The following ZNF16 variants were observed in gnomAD, a reference collection of about 807,000 sequenced individuals.
ZNF16 encodes the protein zinc finger protein 16.
In ZNF16, 7 loss-of-function variants were observed where a neutral mutation model predicts 9.0. That is an observed-to-expected ratio of 0.78 (90% CI 0.44 to 1.47). The LOEUF (loss-of-function observed/expected upper bound fraction) is 1.47. Ranked by LOEUF, ZNF16 falls within the 40% of genes most tolerant of loss-of-function variation. The pLI, the probability that ZNF16 is intolerant of heterozygous loss-of-function variation, is 0.01. For synonymous variants in ZNF16, 312 were observed against 301.5 expected, an observed-to-expected ratio of 1.03 and a Z score of -0.36; for missense variants, 830 against 854.2, an observed-to-expected ratio of 0.97 and a Z score of 0.35.
Position 144,931,193 on chromosome 8 carries a change from G to A in ZNF16, c.1594C>T (p.Leu532Phe), listed in dbSNP as rs529387156. The A allele has an allele frequency of 7.4e-6, 12 of 1,614,040 alleles. No homozygotes were observed. The South Asian group carries it at 1.2e-4, about 16-fold the overall frequency. Residue 532 changes from leucine (L) to phenylalanine (F), a missense_variant, in exon 3 of 3, where the codon CTC becomes TTC. Leu to Phe is a conservative substitution (Grantham distance 22). Transcript: ENST00000394909. ...GTGTGGACTCGCTGGTGAAGGATGA[G>A]GTTGGAGCTGCGACCAAAGGTCTTC... ...CGKTFGRSSN[L>F]ILHQRVHTGE...
Position 144,933,010 on chromosome 8 carries a change from C to T in ZNF16, c.197-420G>A, listed in dbSNP as rs903715550. Among the ~76,000 whole-genome samples, 14 of 152,178 alleles carry T rather than the reference C, an allele frequency of 9.2e-5. No individual in the cohort carries two copies. The highest frequency in any genetic ancestry group is 3.3e-4 in the Admixed American group (5 of 15,278). On this transcript the variant is annotated intron_variant, in intron 2 of 2. Coordinates refer to ENST00000394909, the MANE Select transcript of ZNF16 (RefSeq NM_006958.3). The surrounding 1 kb of genome is among the most constrained non-coding windows in gnomAD (Gnocchi z 5.6). ...ACTTCTCCCACCTGTACCAGAAAAACGTCTCACACCACTCCTTACACTGTT... is the reference window on the plus strand; with the variant it reads ...ACTTCTCCCACCTGTACCAGAAAAATGTCTCACACCACTCCTTACACTGTT...
intron 2 of ZNF16, chr8:144,945,757 A>T: frequency 3.5e-6 from 2 of 573,896 alleles, no homozygotes; most frequent in Non-Finnish European, 5.6e-6. Flanking sequence ...GTATAGGGCA[A>T]ATCAAAGGAC....
At chr8:144,935,294 C>T (rs1377107588) in intron 2 of ZNF16, among the ~76,000 whole-genome samples, 2 of 152,116 alleles carry the variant, frequency 1.3e-5, no homozygotes, top group African/African-American at 4.8e-5. Flanking sequence ...CCTCTGCCTC[C>T]TGGGTTCAAG....
intron 2 of ZNF16, among the ~76,000 whole-genome samples, chr8:144,941,386 A>C (rs142305777): frequency 6.6e-6 from 1 of 152,106 alleles, no homozygotes; most frequent in Non-Finnish European, 1.5e-5. Flanking sequence ...TATTCTCTGC[A>C]TGGAATATTT....
chr8:144,931,281 T>C lies in ZNF16; in HGVS notation c.1506A>G (p.Ser502=), dbSNP rs1833529192. Residue 502 remains serine (S), a synonymous_variant, in exon 3 of 3, where the codon TCA becomes TCG. Coordinates refer to ENST00000394909, the MANE Select transcript of ZNF16 (RefSeq NM_006958.3). ...GCACGCCCTGGTGCTGAATGAGGGC[T>C]GAGCTGTGGCTGAAGGCCTTCCCAC... is the stretch of plus-strand genomic sequence containing the variant. ...SVCGKAFSHS[S]ALIQHQGVHT... 1 of 1,614,094 alleles carries C rather than the reference T, an allele frequency of 6.2e-7. No individual in the cohort carries two copies. The highest frequency in any genetic ancestry group is 8.5e-7 in the Non-Finnish European group (1 of 1,179,994).
chr8:144,937,624 T>G (rs771146514), intron 2 of ZNF16, among the ~76,000 whole-genome samples: 2 of 152,212 alleles, frequency 1.3e-5, no homozygotes, highest in Non-Finnish European at 2.9e-5. Context: ...GCTCTTATAT[T>G]TAGCTTGTTG....
At chr8:144,948,711 C>T (rs997981542) in intron 1 of ZNF16, among the ~76,000 whole-genome samples, 4 of 151,454 alleles carry the variant, frequency 2.6e-5, no homozygotes, top group Admixed American at 1.3e-4. Flanking sequence ...CATATGTTTG[C>T]CTTTTAATGA....
chr8:144,946,963 T>C (rs1472563044), intron 1 of ZNF16, among the ~76,000 whole-genome samples: 5 of 98,776 alleles, frequency 5.1e-5, no homozygotes, highest in African/African-American at 5.1e-5. Flanking sequence ...TGGGCCTGTG[T>C]CCTGCTGTGG....
intron 2 of ZNF16, among the ~76,000 whole-genome samples, chr8:144,942,067 T>C (rs1213868520): frequency 6.9e-6 from 1 of 145,850 alleles, no homozygotes; most frequent in Non-Finnish European, 1.5e-5. Flanking sequence ...AAGCTCCGTC[T>C]CCCGGGTTCA....
chr8:144,932,662 T>TGCACCCACTAACTGTGGAGGAG lies in ZNF16; in HGVS notation c.197-94_197-73dup. 1.3e-6 allele frequency: 2 copies of TGCACCCACTAACTGTGGAGGAG among 1,518,974 alleles called. No individual in the cohort carries two copies. Among genetic ancestry groups the TGCACCCACTAACTGTGGAGGAG allele is most frequent in the Non-Finnish European group, 1.8e-6 (2 of 1,119,738 alleles). The allele number at this position is 1,518,974 out of a possible 1,614,324, so 94.1% of individuals were successfully genotyped here. On this transcript the variant is annotated intron_variant, in intron 2 of 2. Coordinates refer to ENST00000394909, the MANE Select transcript of ZNF16 (RefSeq NM_006958.3). This position sits in a 1 kb window ranked among gnomAD's most constrained non-coding sequence, Gnocchi z 5.0. ...GAGCAGGAACATAGACAGTCACAGT[T>TGCACCCACTAACTGTGGAGGAG]GCACCCACTAACTGTGGAGGAGGCA... is the stretch of plus-strand genomic sequence containing the variant.
At chr8:144,947,055 T>TCCTGCTGTGGGCCTGTAC (rs1833970222) in intron 1 of ZNF16, among the ~76,000 whole-genome samples, 1 of 122,208 alleles carries the variant, frequency 8.2e-6, no homozygotes. Context: ...TGGGCCTGTG[T>TCCTGCTGTGGGCCTGTAC]CCTGCTGTGG....
chr8:144,932,648 T>A lies in ZNF16; in HGVS notation c.197-58A>T, dbSNP rs115899218. 1 of 1,559,362 alleles carries A rather than the reference T, an allele frequency of 6.4e-7. No homozygotes were observed. Among genetic ancestry groups the A allele is most frequent in the East Asian group, 2.2e-5 (1 of 44,668 alleles). ...CAGTGCTGCAGCAGGAGCAGGAACA[T>A]AGACAGTCACAGTTGCACCCACTAA... On this transcript the variant is annotated intron_variant, in intron 2 of 2. Coordinates refer to ENST00000394909, the MANE Select transcript of ZNF16 (RefSeq NM_006958.3). This position sits in a 1 kb window ranked among gnomAD's most constrained non-coding sequence, Gnocchi z 5.0.
rs1402459257 is a variant in ZNF16 at position 144,933,722 on chromosome 8, CTA to C, written c.197-1134_197-1133del. On this transcript the variant is annotated intron_variant, in intron 2 of 2. Coordinates refer to ENST00000394909, the MANE Select transcript of ZNF16 (RefSeq NM_006958.3). This position sits in a 1 kb window ranked among gnomAD's most constrained non-coding sequence, Gnocchi z 5.6. ...GACCCCACCTCTACCTCTGCTCCTG[CTA>C]TACTCTGAGCAGGGCAGATGTGTCC... Among the ~76,000 whole-genome samples, 3 of 152,320 alleles carry C rather than the reference CTA, an allele frequency of 2.0e-5. No homozygotes were observed. Among genetic ancestry groups the C allele is most frequent in the African/African-American group, 7.2e-5 (3 of 41,568 alleles).
At chr8:144,934,558 G>T (rs1170016167) in intron 2 of ZNF16, among the ~76,000 whole-genome samples, 1 of 152,244 alleles carries the variant, frequency 6.6e-6, no homozygotes, top group African/African-American at 2.4e-5. Context: ...GGGCTCCCAG[G>T]AGCAATGAGG....
intron 2 of ZNF16, among the ~76,000 whole-genome samples, chr8:144,935,822 G>C (rs1278424636): frequency 6.6e-6 from 1 of 152,170 alleles, no homozygotes. Context: ...TCAGAGCCTC[G>C]GCTGGGCTGT....
In ZNF16 at chr8:144,931,982, C is replaced by T. The variant is rs200923173; in HGVS notation, c.805G>A (p.Glu269Lys). The T allele has an allele frequency of 5.5e-5, 88 of 1,613,860 alleles. 1 individual carries two copies. Among genetic ancestry groups the T allele is most frequent in the Middle Eastern group, 3.3e-4 (2 of 6,084 alleles). ...TGCCCTCGGAAGGCTTTCCCACATT[C>T]GCTGCACTGGTAAGCTTTCTCACTC... ...HMSEKAYQCS[E>K]CGKAFRGHSD... Residue 269 changes from glutamate (E) to lysine (K), a missense_variant, in exon 3 of 3, where the codon GAA becomes AAA. Physicochemically the swap from Glu to Lys is moderately conservative, Grantham distance 56. Transcript: ENST00000394909.
rs757494785 is a variant in ZNF16, at chr8:144,932,002, T to C, written c.785A>G (p.Glu262Gly). 1.9e-5 allele frequency: 31 copies of C among 1,614,198 alleles called. No homozygotes were observed. The South Asian group carries it at 3.3e-4, about 17-fold the overall frequency. ...ACATTCGCTGCACTGGTAAGCTTTC[T>C]CACTCATATGAGATCGATGACGGTT... ...LKNRHRSHMS[E>G]KAYQCSECGK... Residue 262 changes from glutamate to glycine, a missense_variant, in exon 3 of 3, where the codon GAG (glutamate) becomes GGG (glycine). Transcript: ENST00000394909. The surrounding 1 kb of genome is among the most constrained non-coding windows in gnomAD (Gnocchi z 5.0).
intron 1 of ZNF16, among the ~76,000 whole-genome samples, chr8:144,950,029 T>C (rs77286939): frequency 0.022 from 3,328 of 151,562 alleles, 47 homozygotes; most frequent in Middle Eastern, 0.027. Flanking sequence ...GGAGAAAAAC[T>C]GCCCTATGGT....
chr8:144,935,669 A>G (rs1230728660), intron 2 of ZNF16, among the ~76,000 whole-genome samples: 1 of 152,226 alleles, frequency 6.6e-6, no homozygotes, highest in Admixed American at 6.5e-5. Context: ...TGAAGAGGAA[A>G]CACATCTTTA....
Sources: allele counts gnomAD v4.1 joint callset (sites outside exome capture counted in the v4.1 genomes callset), GRCh38; gene constraint gnomAD v4.1.1; non-coding constraint Gnocchi (gnomAD v3.1); transcripts MANE v1.5; gene names NCBI Gene and HGNC (gene_info 2026-07-23, HGNC 2026-07-21).